The following CASC3 variants were observed in gnomAD, a reference collection of about 807,000 sequenced individuals.
The protein encoded by CASC3 is CASC3 exon junction complex subunit.
Under a neutral mutation model 80.5 loss-of-function variants are expected in CASC3, and 30 were observed. That is an observed-to-expected ratio of 0.37 (90% CI 0.28 to 0.51). The LOEUF (loss-of-function observed/expected upper bound fraction) is 0.51. Ranked by LOEUF, CASC3 falls within the 20% of genes least tolerant of loss-of-function variation. The pLI is 0.94. For missense variants in CASC3, 824 were observed against 922.2 expected, an observed-to-expected ratio of 0.89 and a Z score of 1.38; for synonymous variants, 312 against 333.6, an observed-to-expected ratio of 0.94 and a Z score of 0.70.
chr17:40,165,969 G>T (rs1989441102), intron 7 of CASC3, among the ~76,000 whole-genome samples: 1 of 151,364 alleles, frequency 6.6e-6, no homozygotes, highest in South Asian at 2.1e-4. Flanking sequence ...GGGTCTCACT[G>T]TGTTTTCCAG....
chr17:40,163,881 G>C lies in CASC3; in HGVS notation c.1186G>C (p.Asp396His), dbSNP rs1989374519. 6.2e-7 allele frequency: 1 copy of C among 1,614,154 alleles called. No homozygotes were observed. The highest frequency in any genetic ancestry group is 8.5e-7 in the Non-Finnish European group (1 of 1,180,034). Residue 396 changes from aspartate to histidine, a missense_variant, in exon 7 of 14, where the codon GAT (aspartate) becomes CAT (histidine). This residue lies in a region of CASC3 where 464 missense variants were observed against 506.0 expected (regional missense o/e 0.92). Coordinates refer to ENST00000264645, the MANE Select transcript of CASC3 (RefSeq NM_007359.5). ...TCCTGATGCTGCACCACCACCCCCT[G>C]ATAGGCCCATTGAGAAGAAATCCTA... Reference protein sequence around the residue: ...AAPDAAPPPPDRPIEKKSYSR... With the variant: ...AAPDAAPPPPHRPIEKKSYSR...
In CASC3 at chr17:40,140,756, A is replaced by G. The variant is rs761989441; in HGVS notation, c.208A>G (p.Lys70Glu). Residue 70 changes from lysine to glutamate, a missense_variant, in exon 1 of 14, where the codon AAG (lysine) becomes GAG (glutamate). By Grantham distance (56) the Lys-to-Glu change is moderately conservative. This residue lies in a region of CASC3 where 159 missense variants were observed against 122.2 expected (regional missense o/e 1.30). Coordinates refer to ENST00000264645, the MANE Select transcript of CASC3 (RefSeq NM_007359.5). ...GCGGCGGGTGGAGAGCGGGGGCGCC[A>G]AGAGTGCTGAGGAGTCGGAGTGTGT... is the stretch of plus-strand genomic sequence containing the variant. ...HLRRVESGGAKSAEESECESE... is the reference protein window; with the variant it reads ...HLRRVESGGAESAEESECESE... 1.5e-6 allele frequency: 2 copies of G among 1,347,340 alleles called. No homozygotes were observed. The allele number at this position is 1,347,340 out of a possible 1,614,324, so 83.5% of individuals were successfully genotyped here.
Position 40,171,068 on chromosome 17 carries a change from T to C in CASC3, c.*663T>C, listed in dbSNP as rs982927619. 11 of 985,684 alleles carry C rather than the reference T, an allele frequency of 1.1e-5. No individual in the cohort carries two copies. Among genetic ancestry groups the C allele is most frequent in the Non-Finnish European group, 1.3e-5 (11 of 829,932 alleles). 61.1% of individuals were successfully genotyped at this position (985,684 alleles called of 1,614,324 possible). On this transcript the variant is annotated 3_prime_UTR_variant, in exon 14 of 14. Coordinates refer to ENST00000264645, the MANE Select transcript of CASC3 (RefSeq NM_007359.5). Reference sequence around the variant, plus strand: ...ACTTGTATTCCCTTAACTCTAACCCTGTGGAAGCATGGCTGTCTGCACAGA... The same window carrying C: ...ACTTGTATTCCCTTAACTCTAACCCCGTGGAAGCATGGCTGTCTGCACAGA...
chr17:40,141,010 A>G (rs1988699956), intron 1 of CASC3, 197 bp from the exon 2 acceptor site: 1 of 637,074 alleles, frequency 1.6e-6, no homozygotes, highest in Non-Finnish European at 2.7e-6. Flanking sequence ...TGGAAAGCGG[A>G]TGTTTTATTC....
rs777883693 is a variant in CASC3 at position 40,163,911 on chromosome 17, C to T, written c.1216C>T (p.Arg406Trp). 3.1e-6 allele frequency: 5 copies of T among 1,614,016 alleles called. No homozygotes were observed. Among genetic ancestry groups the T allele is most frequent in the Non-Finnish European group, 1.7e-6 (2 of 1,180,004 alleles). Residue 406 changes from arginine (R) to tryptophan (W), a missense_variant, in exon 7 of 14, where the codon CGG becomes TGG. Transcript: ENST00000264645. ...GCCCATTGAGAAGAAATCCTATTCC[C>T]GGGCAAGAAGAACTCGAACCAAAGT... ...DRPIEKKSYS[R>W]ARRTRTKVGD...
At chr17:40,169,717 A>G in intron 13 of CASC3, 55 bp downstream of exon 13, 2 of 671,054 alleles carry the variant, frequency 3.0e-6, no homozygotes, top group South Asian at 2.6e-5. Flanking sequence ...CACTTGCTTA[A>G]TAAACAAAAA....
At chr17:40,150,742 C>T (rs866099959) in intron 3 of CASC3, among the ~76,000 whole-genome samples, 71 of 150,816 alleles carry the variant, frequency 4.7e-4, no homozygotes, top group Middle Eastern at 3.4e-3. Context: ...GGCAAGGCGC[C>T]GAGGCTCATG....
chr17:40,169,238 C>G, intron 11 of CASC3, 86 bp from the exon 12 acceptor site: 1 of 1,320,166 alleles, frequency 7.6e-7, no homozygotes, highest in East Asian at 2.7e-5. Context: ...CCCCAATTCT[C>G]TTATGGCTGA....
chr17:40,169,358 A>G lies in CASC3; in HGVS notation c.2000A>G (p.Tyr667Cys). The change falls in exon 12 of 14, where the codon TAT (tyrosine) becomes TGT (cysteine). Residue 667 changes from tyrosine to cysteine, a missense_variant. Tyr to Cys is a radical substitution (Grantham distance 194). Transcript: ENST00000264645. ...PSQVYGGVTYYNPAQQQVQPK... is the reference protein window; with the variant it reads ...PSQVYGGVTYCNPAQQQVQPK... ...CAGGTATATGGAGGAGTGACCTACT[A>G]TAACCCCGCCCAGCAGCAGGTGCAG... The G allele has an allele frequency of 6.2e-7, 1 of 1,612,840 alleles. No homozygotes were observed. Among genetic ancestry groups the G allele is most frequent in the Non-Finnish European group, 8.5e-7 (1 of 1,179,596 alleles).
chr17:40,164,107 T>A lies in CASC3; in HGVS notation c.1412T>A (p.Ile471Lys). 6.2e-7 allele frequency: 1 copy of A among 1,613,576 alleles called. No individual in the cohort carries two copies. The highest frequency in any genetic ancestry group is 2.2e-5 in the East Asian group (1 of 44,884). The change falls in exon 7 of 14, where the codon ATA becomes AAA. Residue 471 changes from isoleucine (I) to lysine (K), a missense_variant. By Grantham distance (102) the Ile-to-Lys change is moderately radical. Coordinates refer to ENST00000264645, the MANE Select transcript of CASC3 (RefSeq NM_007359.5). ...GAGCAAGATGTGGCACAACTAAATA[T>A]AGCAGAACAGAATTGGAGTCCGGGG... Reference protein sequence around the residue: ...GLEQDVAQLNIAEQNWSPGQP... With the variant: ...GLEQDVAQLNKAEQNWSPGQP...
intron 3 of CASC3, among the ~76,000 whole-genome samples, chr17:40,147,651 A>C (rs143209686): frequency 6.6e-6 from 1 of 152,230 alleles, no homozygotes; most frequent in Admixed American, 6.5e-5. Context: ...GACTCAGAAA[A>C]AGAAAAAGGA....
In CASC3 at chr17:40,143,755, G is replaced by A. The variant is rs1257148159; in HGVS notation, c.297+2148G>A. Among the ~76,000 whole-genome samples the A allele has an allele frequency of 1.6e-4, 24 of 150,942 alleles. No homozygotes were observed. The East Asian group carries it at 2.6e-3, about 16-fold the overall frequency. On this transcript the variant is annotated intron_variant, in intron 3 of 13. Transcript: ENST00000264645. ...TGAGGCAGGAGAATCGCTTGAATCCGGGAGGCAGAGGTTGCAGTGAGCCGA... is the reference window on the plus strand; with the variant it reads ...TGAGGCAGGAGAATCGCTTGAATCCAGGAGGCAGAGGTTGCAGTGAGCCGA...
In CASC3 at chr17:40,167,538, G is replaced by A. The variant is rs924518964; in HGVS notation, c.1577G>A (p.Arg526Gln). 3 of 1,614,014 alleles carry A rather than the reference G, an allele frequency of 1.9e-6. No individual in the cohort carries two copies. Among genetic ancestry groups the A allele is most frequent in the Admixed American group, 1.7e-5 (1 of 60,006 alleles). Reference sequence around the variant, plus strand: ...CGAGCCAAACGCTATTCATCCCAGCGGCAAAGACCTGTGCCAGAGCCCCCC... The same window carrying A: ...CGAGCCAAACGCTATTCATCCCAGCAGCAAAGACCTGTGCCAGAGCCCCCC... ...GGRAKRYSSQ[R>Q]QRPVPEPPAP... The change falls in exon 9 of 14, where the codon CGG (arginine) becomes CAG (glutamine). Residue 526 changes from arginine to glutamine, a missense_variant. Arg to Gln is a conservative substitution (Grantham distance 43). This residue lies in a region of CASC3 where 464 missense variants were observed against 506.0 expected (regional missense o/e 0.92). Transcript: ENST00000264645.
At chr17:40,159,135 GC>G (rs1222525433) in intron 3 of CASC3, among the ~76,000 whole-genome samples, 2 of 152,030 alleles carry the variant, frequency 1.3e-5, no homozygotes, top group African/African-American at 4.8e-5. Context: ...ACTTGTGGGG[GC>G]TGAGGTGGGA....
At chr17:40,145,877 G>A (rs958252614) in intron 3 of CASC3, among the ~76,000 whole-genome samples, 7 of 151,698 alleles carry the variant, frequency 4.6e-5, no homozygotes, top group African/African-American at 1.5e-4. Context: ...GTGATCTGCC[G>A]GTCTTGGTTT....
Position 40,140,539 on chromosome 17 carries a change from T to C in CASC3, c.-10T>C. The C allele has an allele frequency of 6.2e-7, 1 of 1,604,896 alleles. No individual in the cohort carries two copies. The highest frequency in any genetic ancestry group is 8.5e-7 in the Non-Finnish European group (1 of 1,179,470). On this transcript the variant is annotated 5_prime_UTR_variant, in exon 1 of 14. Coordinates refer to ENST00000264645, the MANE Select transcript of CASC3 (RefSeq NM_007359.5). ...TAAGTACCTCGCCGGTGGTGGCCGT[T>C]CTCCGTAAGATGGCGGACCGGCGGC... is the stretch of plus-strand genomic sequence containing the variant.
chr17:40,169,677 T>TA lies in CASC3; in HGVS notation c.*41+16dup. On this transcript the variant is annotated intron_variant, in intron 13 of 13. Coordinates refer to ENST00000264645, the MANE Select transcript of CASC3 (RefSeq NM_007359.5). ...ATCATATAAAAGTAAGTGCACAACT[T>TA]ACTGTGAATATTGTTAAAACTAATG... 1 of 1,359,170 alleles carries TA rather than the reference T, an allele frequency of 7.4e-7. No homozygotes were observed. The highest frequency in any genetic ancestry group is 1.0e-6 in the Non-Finnish European group (1 of 992,092). The allele number at this position is 1,359,170 out of a possible 1,614,324, so 84.2% of individuals were successfully genotyped here.
chr17:40,145,812 G>A (rs1206965458), intron 3 of CASC3, among the ~76,000 whole-genome samples: 1 of 151,642 alleles, frequency 6.6e-6, no homozygotes, highest in South Asian at 2.1e-4. Flanking sequence ...TTAATTTTTA[G>A]TAGAGATGGG....
intron 7 of CASC3, among the ~76,000 whole-genome samples, chr17:40,165,767 T>G (rs1285548176): frequency 4.6e-5 from 7 of 150,724 alleles, no homozygotes; most frequent in Non-Finnish European, 7.4e-5. Flanking sequence ...TTTTTTGTTT[T>G]TTTTTTTTTT....
Sources: allele counts gnomAD v4.1 joint callset (sites outside exome capture counted in the v4.1 genomes callset), GRCh38; gene constraint gnomAD v4.1.1; regional missense constraint gnomAD v4.1.1; transcripts MANE v1.5; gene names NCBI Gene and HGNC (gene_info 2026-07-23, HGNC 2026-07-21).